The following RALGPS2 variants were observed in gnomAD, a reference collection of about 807,000 sequenced individuals.
RALGPS2 encodes Ral GEF with PH domain and SH3 binding motif 2, also known as ras-specific guanine nucleotide-releasing factor RalGPS2.
Under a neutral mutation model 86.8 loss-of-function variants are expected in RALGPS2, and 43 were observed. That is an observed-to-expected ratio of 0.50 (90% CI 0.39 to 0.64). RALGPS2 has a LOEUF of 0.64. Ranked by LOEUF, RALGPS2 falls within the 30% of genes least tolerant of loss-of-function variation. The probability of loss-of-function intolerance (pLI) is 0.00; values close to 1 mark genes in which losing one functional copy is unlikely to be tolerated. For synonymous variants in RALGPS2, 243 were observed against 231.3 expected (o/e 1.05, Z -0.46); for missense variants, 536 against 694.6 (o/e 0.77, Z 2.57).
rs189128921 is a variant in RALGPS2 at position 178,882,905 on chromosome 1, T to C, written c.837-561T>C. On this transcript the variant is annotated intron_variant, in intron 10 of 19. Coordinates refer to ENST00000367635, the MANE Select transcript of RALGPS2 (RefSeq NM_152663.5). ...AGCTGGTTTGTTAGATGGTTAGTTT[T>C]AAATAAGGTGTTTTTAGAAATAATT... Among the ~76,000 whole-genome samples the C allele has an allele frequency of 1.6e-4, 25 of 152,348 alleles. No homozygotes were observed. The East Asian group carries it at 4.2e-3, about 26-fold the overall frequency.
chr1:178,785,828 G>A (rs559823044), intron 4 of RALGPS2, among the ~76,000 whole-genome samples: 6 of 151,990 alleles, frequency 3.9e-5, no homozygotes, highest in African/African-American at 9.7e-5. Context: ...TGAACAAAGC[G>A]GAGGTTAGGA....
intron 5 of RALGPS2, 126 bp downstream of exon 5, chr1:178,808,254 G>A (rs1654828667): frequency 1.5e-6 from 1 of 687,456 alleles, no homozygotes; most frequent in Non-Finnish European, 2.5e-6. Flanking sequence ...CTCAAGTATT[G>A]TCTCTGTGCA....
intron 8 of RALGPS2, chr1:178,865,664 C>G (rs148415335): frequency 1.2e-6 from 2 of 1,613,812 alleles, no homozygotes; most frequent in Non-Finnish European, 1.7e-6. Flanking sequence ...ATCTGTGGCA[C>G]GAGGGTATCT....
At chr1:178,865,182 G>A (rs137965572) in intron 8 of RALGPS2, 1 of 1,612,956 alleles carries the variant, frequency 6.2e-7, no homozygotes, top group Non-Finnish European at 8.5e-7. Context: ...CTCAAGCACT[G>A]TTCTTCCAAC....
chr1:178,736,423 A>G (rs1334819280), intron 1 of RALGPS2, among the ~76,000 whole-genome samples: 3 of 151,958 alleles, frequency 2.0e-5, no homozygotes, highest in Admixed American at 6.6e-5. Flanking sequence ...CGGCCTCCCA[A>G]AAGTGCTGGG....
intron 1 of RALGPS2, among the ~76,000 whole-genome samples, chr1:178,759,318 T>A (rs1262585718): frequency 6.6e-6 from 1 of 152,160 alleles, no homozygotes; most frequent in African/African-American, 2.4e-5. Context: ...CCCTGTTTAT[T>A]GAAGAGACTG....
chr1:178,809,658 T>C (rs997626270), intron 5 of RALGPS2, among the ~76,000 whole-genome samples: 3 of 152,170 alleles, frequency 2.0e-5, no homozygotes, highest in Non-Finnish European at 4.4e-5. Flanking sequence ...TGTTCTTAAA[T>C]GTAGTTGGCT....
chr1:178,845,895 G>A (rs1446597741), intron 8 of RALGPS2, among the ~76,000 whole-genome samples: 2 of 152,168 alleles, frequency 1.3e-5, no homozygotes, highest in African/African-American at 4.8e-5. Flanking sequence ...TGGAAGAGAT[G>A]CATATCATTG....
Position 178,731,272 on chromosome 1 carries a change from G to GTTTTTTTTTTTTTTT in RALGPS2, c.-84+5868_-84+5882dup, listed in dbSNP as rs57628726. Among the ~76,000 whole-genome samples the GTTTTTTTTTTTTTTT allele has an allele frequency of 2.9e-4, 17 of 57,970 alleles. 1 individual carries two copies. The highest frequency in any genetic ancestry group is 8.6e-4 in the African/African-American group (13 of 15,038). 38.0% of individuals were successfully genotyped at this position (57,970 alleles called of 152,430 possible). ...TGATTATACTTTTCTAGTTGTTTTG[G>GTTTTTTTTTTTTTTT]TTTTTTTTTTTTTTTTTTTTTTTTT... On this transcript the variant is annotated intron_variant, in intron 1 of 19. Coordinates refer to ENST00000367635, the MANE Select transcript of RALGPS2 (RefSeq NM_152663.5).
intron 1 of RALGPS2, among the ~76,000 whole-genome samples, chr1:178,740,692 T>A (rs780768535): frequency 3.3e-5 from 5 of 152,162 alleles, no homozygotes; most frequent in Non-Finnish European, 5.9e-5. Flanking sequence ...GTATGGAACA[T>A]GAGAGTGAAG....
At position 178,886,131 on chromosome 1, in the gene RALGPS2, C is replaced by A. The variant is rs1465883554; in HGVS notation, c.1192+11C>A. The A allele has an allele frequency of 4.4e-6, 7 of 1,603,218 alleles. No individual in the cohort carries two copies. The highest frequency in any genetic ancestry group is 1.3e-5 in the African/African-American group (1 of 74,376). On this transcript the variant is annotated intron_variant, in intron 13 of 19. Transcript: ENST00000367635. ...GTGGAATATCAATAGGTGAGAAATA[C>A]TTCTCTGAGAGGGTTGCAATTTAAC...
chr1:178,891,373 CTGAA>C (rs981353137), intron 14 of RALGPS2, among the ~76,000 whole-genome samples: 4 of 152,062 alleles, frequency 2.6e-5, no homozygotes, highest in African/African-American at 9.7e-5. Context: ...AAAATGTACT[CTGAA>C]TGTTGACATA....
At chr1:178,749,631 C>A (rs1345121832) in intron 1 of RALGPS2, among the ~76,000 whole-genome samples, 1 of 152,140 alleles carries the variant, frequency 6.6e-6, no homozygotes, top group Non-Finnish European at 1.5e-5. Flanking sequence ...CGGAGTAACA[C>A]TTGGGATTTT....
chr1:178,817,833 A>C (rs751654819), intron 6 of RALGPS2, among the ~76,000 whole-genome samples: 57 of 152,268 alleles, frequency 3.7e-4, no homozygotes, highest in Admixed American at 8.5e-4. Flanking sequence ...CATTATTTCT[A>C]ATAGACAGCC....
intron 1 of RALGPS2, among the ~76,000 whole-genome samples, chr1:178,727,475 G>A (rs936961483): frequency 6.6e-6 from 1 of 152,228 alleles, no homozygotes; most frequent in Non-Finnish European, 1.5e-5. Flanking sequence ...TAAGTTTGAA[G>A]ATAATGCTTG....
chr1:178,800,105 G>A (rs574341220), intron 4 of RALGPS2, among the ~76,000 whole-genome samples: 3 of 152,242 alleles, frequency 2.0e-5, no homozygotes, highest in Admixed American at 6.5e-5. Context: ...GGAGATGAAC[G>A]CTTCTGAGCC....
intron 19 of RALGPS2, among the ~76,000 whole-genome samples, chr1:178,914,466 G>A (rs899063332): frequency 6.6e-5 from 10 of 152,192 alleles, no homozygotes; most frequent in African/African-American, 2.4e-4. Context: ...CCACAGCCCT[G>A]TGCAGGGTTC....
chr1:178,857,440 G>A (rs1043273271), intron 8 of RALGPS2, among the ~76,000 whole-genome samples: 5 of 152,090 alleles, frequency 3.3e-5, no homozygotes, highest in Admixed American at 2.0e-4. Context: ...AGTCAAGTGG[G>A]GGGTGGGAGA....
intron 6 of RALGPS2, 152 bp from the exon 7 acceptor site, chr1:178,821,460 A>G (rs182874189): frequency 5.3e-6 from 3 of 569,310 alleles, no homozygotes; most frequent in Admixed American, 6.8e-5. Flanking sequence ...ACTTAGTGTA[A>G]ACACAGGGTA....
Sources: gnomAD v4.1 joint callset for allele counts (sites outside exome capture counted in the v4.1 genomes callset) on GRCh38, gnomAD v4.1.1 for gene constraint, MANE v1.5 for transcripts, NCBI Gene and HGNC (gene_info 2026-07-23, HGNC 2026-07-21) for gene names.